Variants in TMEM132D observed in about 807,000 individuals in gnomAD.
TMEM132D encodes transmembrane protein 132D.
In TMEM132D, 21 loss-of-function variants were observed where a neutral mutation model predicts 62.3. That is an observed-to-expected ratio of 0.34 (90% confidence interval 0.24 to 0.49). The LOEUF (loss-of-function observed/expected upper bound fraction) is 0.49. Ranked by LOEUF, TMEM132D falls within the 20% of genes least tolerant of loss-of-function variation. TMEM132D has a pLI of 0.99. For missense variants in TMEM132D, 1,346 were observed against 1,402.8 expected, an observed-to-expected ratio of 0.96 and a Z score of 0.65; for synonymous variants, 621 against 575.6, an observed-to-expected ratio of 1.08 and a Z score of -1.13.
intron 2 of TMEM132D, among the ~76,000 whole-genome samples, chr12:129,634,260 G>T (rs1389011566): frequency 6.6e-6 from 1 of 151,908 alleles, no homozygotes; most frequent in African/African-American, 2.4e-5. Flanking sequence ...ATGGCTTGAG[G>T]TCAGGAGTTT....
intron 7 of TMEM132D, 50 bp downstream of exon 7, chr12:129,081,709 G>T (rs2135615498): frequency 6.5e-7 from 1 of 1,533,766 alleles, no homozygotes; most frequent in African/African-American, 1.4e-5. Context: ...TAGAGCAGAG[G>T]TGGGAAGACA....
At chr12:129,825,446 A>T (rs73160240) in intron 1 of TMEM132D, among the ~76,000 whole-genome samples, 16,544 of 152,004 alleles carry the variant, frequency 0.11, 1,180 homozygotes, top group Middle Eastern at 0.16. Flanking sequence ...TCATCAATTT[A>T]TCTGCTAATA....
At chr12:129,330,140 C>G (rs1188292845) in intron 4 of TMEM132D, among the ~76,000 whole-genome samples, 3 of 152,020 alleles carry the variant, frequency 2.0e-5, no homozygotes, top group Non-Finnish European at 4.4e-5. Flanking sequence ...TGATTGTAAT[C>G]CCAAGAATCA....
At chr12:129,414,058 C>A (rs1013742111) in intron 3 of TMEM132D, among the ~76,000 whole-genome samples, 1 of 152,210 alleles carries the variant, frequency 6.6e-6, no homozygotes, top group Admixed American at 6.5e-5. Flanking sequence ...CAAAATTAAA[C>A]TTCTTTGCCT....
At chr12:129,155,651 C>T (rs1284858244) in intron 5 of TMEM132D, among the ~76,000 whole-genome samples, 2 of 152,214 alleles carry the variant, frequency 1.3e-5, no homozygotes, top group African/African-American at 2.4e-5. Context: ...CTTCCTACAG[C>T]AGGGGGCAGA....
intron 5 of TMEM132D, among the ~76,000 whole-genome samples, chr12:129,193,446 C>A (rs1027978564): frequency 1.3e-5 from 2 of 152,160 alleles, no homozygotes; most frequent in African/African-American, 4.8e-5. Context: ...AGGTGCTATG[C>A]CTGCAATTTG....
intron 5 of TMEM132D, among the ~76,000 whole-genome samples, chr12:129,174,766 C>T (rs1877853832): frequency 3.3e-5 from 5 of 152,200 alleles, no homozygotes; most frequent in African/African-American, 4.8e-5. Flanking sequence ...GTAATAATCA[C>T]CATTCTGACT....
intron 4 of TMEM132D, among the ~76,000 whole-genome samples, chr12:129,332,846 A>G (rs977165): frequency 0.011 from 1,603 of 152,256 alleles, 33 homozygotes; most frequent in African/African-American, 0.037. Flanking sequence ...AAATGTGGTT[A>G]CCGGTGTCTG....
intron 4 of TMEM132D, among the ~76,000 whole-genome samples, chr12:129,275,365 G>T (rs1880975706): frequency 1.3e-5 from 2 of 152,196 alleles, no homozygotes; most frequent in South Asian, 4.2e-4. Context: ...ACAGAAATAG[G>T]AACATAGAAC....
At chr12:129,395,649 G>A (rs1212421193) in intron 3 of TMEM132D, among the ~76,000 whole-genome samples, 7 of 133,632 alleles carry the variant, frequency 5.2e-5, no homozygotes, top group African/African-American at 1.9e-4. Context: ...GATATGAGAT[G>A]TACTTATAAG....
At chr12:129,200,212 A>G (rs1394176965) in intron 5 of TMEM132D, among the ~76,000 whole-genome samples, 1 of 152,238 alleles carries the variant, frequency 6.6e-6, no homozygotes, top group East Asian at 1.9e-4. Flanking sequence ...AGTCCTTTCC[A>G]ATATTGAAGG....
At chr12:129,459,552 T>G (rs1873590469) in intron 3 of TMEM132D, among the ~76,000 whole-genome samples, 1 of 152,148 alleles carries the variant, frequency 6.6e-6, no homozygotes, top group Non-Finnish European at 1.5e-5. Flanking sequence ...GACAAAAGTG[T>G]GCCAAGAGGA....
chr12:129,736,828 T>C (rs1417245295), intron 1 of TMEM132D, among the ~76,000 whole-genome samples: 3 of 151,164 alleles, frequency 2.0e-5, no homozygotes, highest in African/African-American at 7.3e-5. Flanking sequence ...TTTTTTTTTT[T>C]TTTTCTGAGA....
Position 129,724,186 on chromosome 12 carries a change from C to T in TMEM132D, c.80-23488G>A, listed in dbSNP as rs142680734. 3.3e-5 allele frequency among the ~76,000 whole-genome samples: 5 copies of T among 152,280 alleles called. No homozygotes were observed. In the East Asian group the frequency reaches 7.7e-4, roughly 24 times the overall value. On this transcript the variant is annotated intron_variant, in intron 1 of 8. Coordinates refer to ENST00000422113, the MANE Select transcript of TMEM132D (RefSeq NM_133448.3). ...GGGTCCCTGAATGTTTCTGTAGAGC[C>T]GACTATCATTAGATATGCACCTTGA...
chr12:129,123,945 C>T lies in TMEM132D; in HGVS notation c.1444-39243G>A, dbSNP rs1044840073. Among the ~76,000 whole-genome samples the T allele has an allele frequency of 2.9e-4, 44 of 152,138 alleles. 1 individual carries two copies. The highest frequency in any genetic ancestry group is 5.0e-4 in the Non-Finnish European group (34 of 68,026). ...TGGGTTTGGACTGGAACTCCACCAC[C>T]GGCTTTCCAGGTCTCCAGCTGCAGA... On this transcript the variant is annotated intron_variant, in intron 5 of 8. Coordinates refer to ENST00000422113, the MANE Select transcript of TMEM132D (RefSeq NM_133448.3).
intron 3 of TMEM132D, among the ~76,000 whole-genome samples, chr12:129,409,441 A>G (rs1015993260): frequency 7.9e-5 from 12 of 152,180 alleles, no homozygotes; most frequent in South Asian, 2.1e-4. Context: ...ACTTCTGGAG[A>G]AAATGTTCAA....
chr12:129,396,894 T>C lies in TMEM132D; in HGVS notation c.1116-59077A>G, dbSNP rs141136889. On this transcript the variant is annotated intron_variant, in intron 3 of 8. Coordinates refer to ENST00000422113, the MANE Select transcript of TMEM132D (RefSeq NM_133448.3). ...GCCTATCTTGCCTATATGTTTGCTA[T>C]GTCTTTAGGTTTTTGTAACCTGACA... Among the ~76,000 whole-genome samples the C allele has an allele frequency of 9.8e-3, 1,487 of 152,338 alleles. 8 individuals carry two copies. Among genetic ancestry groups the C allele is most frequent in the African/African-American group, 0.017 (719 of 41,582 alleles).
chr12:129,591,540 GTT>G (rs11463425), intron 2 of TMEM132D, among the ~76,000 whole-genome samples: 1 of 147,632 alleles, frequency 6.8e-6, no homozygotes, highest in South Asian at 2.1e-4. Flanking sequence ...TGGCTTTTGG[GTT>G]TTTTTTTTCT....
chr12:129,434,225 T>G (rs909250229), intron 3 of TMEM132D, among the ~76,000 whole-genome samples: 2 of 152,176 alleles, frequency 1.3e-5, no homozygotes, highest in African/African-American at 4.8e-5. Flanking sequence ...CCTTCTGGGA[T>G]TTCTCCCCCT....
Sources: allele counts gnomAD v4.1 joint callset (sites outside exome capture counted in the v4.1 genomes callset), GRCh38; gene constraint gnomAD v4.1.1; transcripts MANE v1.5; gene names NCBI Gene and HGNC (gene_info 2026-07-23, HGNC 2026-07-21).